ADAMTSL1: variants seen among roughly 807,000 people sequenced by gnomAD.
ADAMTSL1 encodes the protein ADAMTS-like protein 1.
Under a neutral mutation model 201.8 loss-of-function variants are expected in ADAMTSL1, and 126 were observed. The ratio of observed to expected loss-of-function variants is 0.62; its 90% CI spans 0.54 to 0.72. ADAMTSL1 has a LOEUF of 0.72. Among genes scored for constraint, ADAMTSL1 ranks in the 30% least tolerant of loss-of-function variants. The pLI is 0.00. For synonymous variants in ADAMTSL1, 1,121 were observed against 903.4 expected (o/e 1.24, Z -4.32); for missense variants, 2,679 against 2,277.8 (o/e 1.18, Z -3.59).
chr9:18,370,691 C>CTTTT (rs34963506), intron 2 of ADAMTSL1, among the ~76,000 whole-genome samples: 41 of 123,438 alleles, frequency 3.3e-4, no homozygotes, highest in African/African-American at 1.0e-3. Context: ...TGTAGAGCGT[C>CTTTT]TTTTTTTTTT....
intron 22 of ADAMTSL1, among the ~76,000 whole-genome samples, chr9:18,829,325 C>T (rs117822604): frequency 2.0e-4 from 30 of 152,226 alleles, no homozygotes; most frequent in Non-Finnish European, 4.3e-4. Context: ...ATTAACTCAC[C>T]AACTTCACAA....
At chr9:18,110,144 C>T (rs1824941329) in intron 1 of ADAMTSL1, among the ~76,000 whole-genome samples, 1 of 152,156 alleles carries the variant, frequency 6.6e-6, no homozygotes, top group Admixed American at 6.5e-5. Flanking sequence ...CTCAGTTTTC[C>T]TCTAATTGCA....
Position 18,906,664 on chromosome 9 carries a change from C to A in ADAMTSL1, c.4962-28C>A, listed in dbSNP as rs764409369. 2.0e-5 allele frequency: 31 copies of A among 1,530,836 alleles called. No homozygotes were observed. In the African/African-American group the frequency reaches 4.1e-4, roughly 20 times the overall value. 94.8% of individuals were successfully genotyped at this position (1,530,836 alleles called of 1,614,324 possible). ...CTGATTCAGCCCCCACAGAAGCAAA[C>A]CTTAACCCTGCCACCATCCTCCTGC... On this transcript the variant is annotated intron_variant, in intron 27 of 28. Transcript: ENST00000380548.
At position 18,846,862 on chromosome 9, in the gene ADAMTSL1, C is replaced by A. The variant is rs576770705; in HGVS notation, c.4249+16885C>A. Among the ~76,000 whole-genome samples, 49 of 152,254 alleles carry A rather than the reference C, an allele frequency of 3.2e-4. 1 individual carries two copies. Among genetic ancestry groups the A allele is most frequent in the African/African-American group, 1.2e-3 (48 of 41,550 alleles). On this transcript the variant is annotated intron_variant, in intron 23 of 28. Transcript: ENST00000380548. ...AGGGAAACATCAGCCATAGAATGAA[C>A]AGAGTCTCAAAGACATCAGATTTGG...
intron 2 of ADAMTSL1, among the ~76,000 whole-genome samples, chr9:18,505,284 C>T (rs1823065243): frequency 6.6e-6 from 1 of 152,170 alleles, no homozygotes; most frequent in African/African-American, 2.4e-5. Flanking sequence ...GAATTATTAG[C>T]TCTATGACAT....
chr9:18,081,789 A>G (rs1823509257), intron 1 of ADAMTSL1, among the ~76,000 whole-genome samples: 1 of 152,240 alleles, frequency 6.6e-6, no homozygotes, highest in Admixed American at 6.5e-5. Context: ...TTTAAAGATT[A>G]TTAAACAAGA....
At chr9:18,220,605 T>C (rs1412246817) in intron 2 of ADAMTSL1, among the ~76,000 whole-genome samples, 2 of 152,102 alleles carry the variant, frequency 1.3e-5, no homozygotes. Context: ...TGTGTAGTAG[T>C]TGTGAATACT....
intron 26 of ADAMTSL1, among the ~76,000 whole-genome samples, chr9:18,896,017 A>G (rs1360443536): frequency 6.6e-6 from 1 of 151,486 alleles, no homozygotes; most frequent in Non-Finnish European, 1.5e-5. Flanking sequence ...AGCAGAAAGA[A>G]TTTTCAAACT....
chr9:17,958,597 G>A (rs562086100), intron 1 of ADAMTSL1, among the ~76,000 whole-genome samples: 16 of 152,170 alleles, frequency 1.1e-4, no homozygotes, highest in African/African-American at 3.1e-4. Flanking sequence ...CTTTAATTAC[G>A]TTAATTAGCT....
chr9:18,550,073 T>G (rs114383282), intron 3 of ADAMTSL1, among the ~76,000 whole-genome samples: 90 of 151,996 alleles, frequency 5.9e-4, no homozygotes, highest in African/African-American at 2.0e-3. Flanking sequence ...GAGAAAGAAA[T>G]AAATATTTGT....
chr9:18,092,355 G>T (rs1212992351), intron 1 of ADAMTSL1, among the ~76,000 whole-genome samples: 1 of 152,074 alleles, frequency 6.6e-6, no homozygotes, highest in Non-Finnish European at 1.5e-5. Flanking sequence ...CATTTTTATT[G>T]GGTCATAAAG....
intron 20 of ADAMTSL1, among the ~76,000 whole-genome samples, chr9:18,797,254 G>GA (rs1260893739): frequency 6.6e-6 from 1 of 152,172 alleles, no homozygotes; most frequent in African/African-American, 2.4e-5. Context: ...AGGTCTGCTG[G>GA]AAAGTCTATC....
intron 4 of ADAMTSL1, among the ~76,000 whole-genome samples, chr9:18,589,813 T>A (rs1400885629): frequency 2.0e-5 from 3 of 152,198 alleles, no homozygotes; most frequent in Non-Finnish European, 4.4e-5. Flanking sequence ...CTTTTCAGCG[T>A]CTATTGAAAT....
At chr9:18,813,968 A>T (rs1320624972) in intron 20 of ADAMTSL1, among the ~76,000 whole-genome samples, 1 of 152,160 alleles carries the variant, frequency 6.6e-6, no homozygotes, top group African/African-American at 2.4e-5. Context: ...TGGCCTTTAT[A>T]TTCCTGAAGC....
At chr9:18,482,948 T>A (rs1821803550) in intron 1 of ADAMTSL1, among the ~76,000 whole-genome samples, 3 of 152,214 alleles carry the variant, frequency 2.0e-5, no homozygotes, top group South Asian at 4.1e-4. Flanking sequence ...TAGTTCTTAT[T>A]TGGGGCTTGT....
chr9:18,412,798 C>A (rs1222520362), intron 2 of ADAMTSL1, among the ~76,000 whole-genome samples: 1 of 152,190 alleles, frequency 6.6e-6, no homozygotes, highest in Non-Finnish European at 1.5e-5. Context: ...CTTTCTGGAA[C>A]AACAAGATGT....
chr9:18,285,197 T>C (rs747291984), intron 2 of ADAMTSL1, among the ~76,000 whole-genome samples: 6 of 152,182 alleles, frequency 3.9e-5, no homozygotes, highest in Non-Finnish European at 5.9e-5. Flanking sequence ...CGTTCCTTTG[T>C]ACTACATATT....
Position 18,484,597 on chromosome 9 carries a change from T to G in ADAMTSL1, c.63+10302T>G, listed in dbSNP as rs541026004. Among the ~76,000 whole-genome samples the G allele has an allele frequency of 2.6e-5, 4 of 152,328 alleles. No homozygotes were observed. In the South Asian group the frequency reaches 6.2e-4, roughly 24 times the overall value. On this transcript the variant is annotated intron_variant, in intron 1 of 28. Coordinates refer to ENST00000380548, the MANE Select transcript of ADAMTSL1 (RefSeq NM_001040272.6). The stretch of plus-strand genomic sequence containing the variant: ...GAGCTATGCTAAAGTAGTAAAACCT[T>G]TAAACCAGTCCCTCTTTCAGGCAAA...
intron 2 of ADAMTSL1, among the ~76,000 whole-genome samples, chr9:18,261,580 G>A (rs1377662806): frequency 1.3e-5 from 2 of 152,112 alleles, no homozygotes; most frequent in Non-Finnish European, 2.9e-5. Context: ...TTTGGTTCTG[G>A]GGAGACTTTA....
Sources: allele counts gnomAD v4.1 joint callset (sites outside exome capture counted in the v4.1 genomes callset), GRCh38; gene constraint gnomAD v4.1.1; transcripts MANE v1.5; gene names NCBI Gene and HGNC (gene_info 2026-07-23, HGNC 2026-07-21).